Variants in AUTS2 observed in about 807,000 individuals in gnomAD.
AUTS2 encodes autism susceptibility gene 2 protein.
Under a neutral mutation model 112.4 loss-of-function variants are expected in AUTS2, and 17 were observed. That is an observed-to-expected ratio of 0.15 (90% confidence interval 0.10 to 0.23). The LOEUF is 0.23. AUTS2 is among the 10% of genes least tolerant of loss of function. The probability of loss-of-function intolerance (pLI) is 1.00; values close to 1 mark genes in which losing one functional copy is unlikely to be tolerated. For synonymous variants in AUTS2, 751 were observed against 702.7 expected, an observed-to-expected ratio of 1.07 and a Z score of -1.09; for missense variants, 1,510 against 1,701.6, an observed-to-expected ratio of 0.89 and a Z score of 1.98.
chr7:70,121,281 C>A (rs1805669100), intron 3 of AUTS2, among the ~76,000 whole-genome samples: 1 of 152,060 alleles, frequency 6.6e-6, no homozygotes, highest in Non-Finnish European at 1.5e-5. Context: ...TCATGACCTT[C>A]AATTTGGCAG....
chr7:70,171,505 T>A (rs888248761), intron 4 of AUTS2, among the ~76,000 whole-genome samples: 1 of 152,166 alleles, frequency 6.6e-6, no homozygotes, highest in Admixed American at 6.5e-5. Flanking sequence ...AGACATCACA[T>A]CACTTACATT....
intron 2 of AUTS2, among the ~76,000 whole-genome samples, chr7:69,919,416 T>C (rs1440317944): frequency 6.6e-6 from 1 of 152,230 alleles, no homozygotes; most frequent in African/African-American, 2.4e-5. Context: ...CACATTGTTT[T>C]ATGGCCACGA....
intron 4 of AUTS2, among the ~76,000 whole-genome samples, chr7:70,218,681 G>C (rs998781409): frequency 6.6e-6 from 1 of 152,136 alleles, no homozygotes; most frequent in Admixed American, 6.6e-5. Context: ...CAAAGTGTGC[G>C]ATAATGCTAA....
In AUTS2 at chr7:70,739,777, G is replaced by A. The variant is rs969872680; in HGVS notation, c.743-23093G>A. On this transcript the variant is annotated intron_variant, in intron 6 of 18. Transcript: ENST00000342771. Reference sequence around the variant, plus strand: ...CCTGAGACGCCTTTCAAGGAGCACCGTTCTGTCTTTGGGCAGCTCTAATTG... The same window carrying A: ...CCTGAGACGCCTTTCAAGGAGCACCATTCTGTCTTTGGGCAGCTCTAATTG... 4.8e-5 allele frequency among the ~76,000 whole-genome samples: 7 copies of A among 144,778 alleles called. No homozygotes were observed. In the South Asian group the frequency reaches 8.8e-4, roughly 18 times the overall value. 95.0% of individuals were successfully genotyped at this position (144,778 alleles called of 152,430 possible).
intron 1 of AUTS2, among the ~76,000 whole-genome samples, chr7:69,805,191 A>C (rs1790247090): frequency 6.6e-6 from 1 of 152,202 alleles, no homozygotes; most frequent in Non-Finnish European, 1.5e-5. Context: ...ACAGGAGATA[A>C]ATCTGCAAAG....
At chr7:70,156,724 C>T (rs1807782934) in intron 4 of AUTS2, among the ~76,000 whole-genome samples, 1 of 151,374 alleles carries the variant, frequency 6.6e-6, no homozygotes, top group South Asian at 2.1e-4. Flanking sequence ...TTTGTACTCT[C>T]ACCTCATAAA....
intron 1 of AUTS2, among the ~76,000 whole-genome samples, chr7:69,840,980 C>T (rs1479475384): frequency 2.6e-5 from 4 of 152,202 alleles, no homozygotes; most frequent in Non-Finnish European, 5.9e-5. Context: ...AGAGAATAAC[C>T]CACAAATTAC....
intron 5 of AUTS2, among the ~76,000 whole-genome samples, chr7:70,618,841 G>A (rs1051198649): frequency 7.2e-5 from 11 of 152,208 alleles, no homozygotes; most frequent in South Asian, 2.1e-4. Context: ...GCAGCCCTGT[G>A]TTTTGTTAGA....
chr7:70,579,284 G>C (rs1442426590), intron 5 of AUTS2, among the ~76,000 whole-genome samples: 3 of 89,244 alleles, frequency 3.4e-5, no homozygotes, highest in Admixed American at 2.4e-4. Flanking sequence ...GAACATTTTA[G>C]AAAAATCAAG....
chr7:70,242,512 A>C (rs1812671028), intron 4 of AUTS2, among the ~76,000 whole-genome samples: 1 of 152,226 alleles, frequency 6.6e-6, no homozygotes, highest in African/African-American at 2.4e-5. Context: ...AACAAATTAA[A>C]TATGAATACT....
chr7:69,787,119 C>G (rs1377374397), intron 1 of AUTS2, among the ~76,000 whole-genome samples: 2 of 152,220 alleles, frequency 1.3e-5, no homozygotes, highest in Non-Finnish European at 2.9e-5. Context: ...ACAGAGCTTT[C>G]CCTCTCTAAT....
chr7:70,113,010 G>A (rs529165271), intron 2 of AUTS2, among the ~76,000 whole-genome samples: 38 of 151,900 alleles, frequency 2.5e-4, no homozygotes, highest in African/African-American at 9.2e-4. Flanking sequence ...TTTACTAATG[G>A]TTAGCTTCAA....
intron 2 of AUTS2, among the ~76,000 whole-genome samples, chr7:69,941,409 C>T (rs1324105357): frequency 6.6e-6 from 1 of 152,160 alleles, no homozygotes; most frequent in Admixed American, 6.5e-5. Context: ...AACGTCTTTC[C>T]TGTCTAGAGA....
intron 5 of AUTS2, among the ~76,000 whole-genome samples, chr7:70,676,537 C>G (rs981190726): frequency 6.6e-6 from 1 of 152,160 alleles, no homozygotes; most frequent in African/African-American, 2.4e-5. Flanking sequence ...CCTGTTCCTG[C>G]TCTCTGTTGC....
At chr7:69,960,563 A>G (rs1434902802) in intron 2 of AUTS2, among the ~76,000 whole-genome samples, 3 of 152,204 alleles carry the variant, frequency 2.0e-5, no homozygotes, top group African/African-American at 4.8e-5. Flanking sequence ...GATTTGTTAT[A>G]TAGAAGTAAG....
At chr7:70,744,990 T>TAA (rs1272191805) in intron 6 of AUTS2, among the ~76,000 whole-genome samples, 2 of 152,052 alleles carry the variant, frequency 1.3e-5, no homozygotes, top group Non-Finnish European at 2.9e-5. Context: ...CATTGCAGGC[T>TAA]CTCCTCAGGA....
chr7:70,627,325 C>A (rs909554566), intron 5 of AUTS2, among the ~76,000 whole-genome samples: 2 of 152,130 alleles, frequency 1.3e-5, no homozygotes, highest in Non-Finnish European at 2.9e-5. Context: ...GTGTGTTTTA[C>A]CCATTTTTAA....
intron 4 of AUTS2, among the ~76,000 whole-genome samples, chr7:70,247,101 A>G (rs2129602706): frequency 6.6e-6 from 1 of 152,304 alleles, no homozygotes; most frequent in South Asian, 2.1e-4. Context: ...AATAGTCAAA[A>G]GGTAGAAATA....
chr7:70,094,367 G>C (rs1804078476), intron 2 of AUTS2, among the ~76,000 whole-genome samples: 1 of 152,240 alleles, frequency 6.6e-6, no homozygotes, highest in Non-Finnish European at 1.5e-5. Context: ...AAGGAAGTAA[G>C]TTCCTGCTGC....
Sources: gnomAD v4.1 joint callset for allele counts (sites outside exome capture counted in the v4.1 genomes callset) on GRCh38, gnomAD v4.1.1 for gene constraint, MANE v1.5 for transcripts, NCBI Gene and HGNC (gene_info 2026-07-23, HGNC 2026-07-21) for gene names.